Variants in TYROBP observed in about 807,000 individuals in gnomAD.
The protein encoded by TYROBP is TYRO protein tyrosine kinase-binding protein.
A neutral mutation model predicts 17.1 loss-of-function variants in TYROBP; 14 were observed. The observed-to-expected ratio is 0.82, with a 90% CI of 0.54 to 1.28. TYROBP has a LOEUF of 1.28. Ranked by LOEUF, TYROBP falls within the 50% of genes most tolerant of loss-of-function variation. TYROBP has a pLI of 0.00. For missense variants in TYROBP, 161 were observed against 151.4 expected, an observed-to-expected ratio of 1.06 and a Z score of -0.33; for synonymous variants, 73 against 67.4, an observed-to-expected ratio of 1.08 and a Z score of -0.41.
In TYROBP at chr19:35,908,211, G is replaced by C; in HGVS notation, c.18C>G (p.Pro6=). The C allele has an allele frequency of 6.2e-7, 1 of 1,614,020 alleles. No individual in the cohort carries two copies. The highest frequency in any genetic ancestry group is 8.5e-7 in the Non-Finnish European group (1 of 1,179,996). MGGLE[P]CSRLLLLPLL... is the part of the protein sequence containing the mutation. ...GAGGCAGGAGCAGGAGCCTGCTGCA[G>C]GGTTCAAGTCCCCCCATGAAGCCGG... Residue 6 remains proline, a synonymous_variant, in exon 1 of 5, where the codon CCC becomes CCG. Coordinates refer to ENST00000262629, the MANE Select transcript of TYROBP (RefSeq NM_003332.4).
intron 4 of TYROBP, 57 bp downstream of exon 4, chr19:35,907,161 T>A: frequency 6.6e-7 from 1 of 1,523,170 alleles, no homozygotes; most frequent in South Asian, 1.2e-5. Flanking sequence ...AAGGAGTATC[T>A]GGGGCAGATA....
intron 3 of TYROBP, 81 bp from the exon 4 acceptor site, chr19:35,907,345 T>G (rs1274879968): frequency 1.9e-6 from 3 of 1,604,368 alleles, no homozygotes; most frequent in Non-Finnish European, 2.6e-6. Flanking sequence ...AATCAGCACC[T>G]CCATTACCAT....
rs1237595107 is a variant in TYROBP at position 35,904,497 on chromosome 19, G to C, written c.*72C>G. On this transcript the variant is annotated 3_prime_UTR_variant, in exon 5 of 5. Transcript: ENST00000262629. ...TGGGTCTGTATCGCGGTAGGAGTTG[G>C]AATGAGGTGCAGGGTGGGCTTCAGG... is the stretch of plus-strand genomic sequence containing the variant. 6.7e-7 allele frequency: 1 copy of C among 1,498,478 alleles called. No homozygotes were observed. 92.8% of individuals were successfully genotyped at this position (1,498,478 alleles called of 1,614,324 possible).
At chr19:35,906,734 C>CTT (rs61149773) in intron 4 of TYROBP, among the ~76,000 whole-genome samples, 15,949 of 142,424 alleles carry the variant, frequency 0.11, 1,926 homozygotes, top group African/African-American at 0.31. Flanking sequence ...ACTCTTCACG[C>CTT]TTTTTTTTTT....
intron 1 of TYROBP, 60 bp downstream of exon 1, chr19:35,908,105 CCCT>C: frequency 6.8e-7 from 1 of 1,465,878 alleles, no homozygotes; most frequent in Non-Finnish European, 9.5e-7. Context: ...CCACCCCACT[CCCT>C]GCCCTGCCCC....
At position 35,907,744 on chromosome 19, in the gene TYROBP, GCCTGGA is replaced by G. The variant is rs756641773; in HGVS notation, c.74_79del (p.Val25_Gln26del). On this transcript the variant is annotated inframe_deletion, in exon 2 of 5. Transcript: ENST00000262629. ...TCTAGGCCTACCGCTCTGGGCCTGG[GCCTGGA>G]CAGGACGGAGACCTGAGGAGGAAAA... 6.8e-5 allele frequency: 109 copies of G among 1,613,978 alleles called. No individual in the cohort carries two copies. The highest frequency in any genetic ancestry group is 8.6e-5 in the Non-Finnish European group (101 of 1,180,038).
intron 3 of TYROBP, 37 bp downstream of exon 3, chr19:35,907,402 CATCTAGG>C: frequency 6.2e-7 from 1 of 1,602,222 alleles, no homozygotes; most frequent in Non-Finnish European, 8.6e-7. Flanking sequence ...CCCCCACCCC[CATCTAGG>C]CAAGTCCTCA....
At position 35,904,524 on chromosome 19, in the gene TYROBP, A is replaced by G; in HGVS notation, c.*45T>C. ...ATGAGGTGCAGGGTGGGCTTCAGGAATGGCTGGATCCAGGTATCATGTTGC... is the reference window on the plus strand; with the variant it reads ...ATGAGGTGCAGGGTGGGCTTCAGGAGTGGCTGGATCCAGGTATCATGTTGC... On this transcript the variant is annotated 3_prime_UTR_variant, in exon 5 of 5. Transcript: ENST00000262629. 1 of 1,599,460 alleles carries G rather than the reference A, an allele frequency of 6.3e-7. No individual in the cohort carries two copies.
chr19:35,905,116 A>C (rs1252457007), intron 4 of TYROBP, among the ~76,000 whole-genome samples: 1 of 152,232 alleles, frequency 6.6e-6, no homozygotes, highest in Non-Finnish European at 1.5e-5. Context: ...ACATCCACAG[A>C]GGGAATAAAT....
rs372455462 is a variant in TYROBP at position 35,907,626 on chromosome 19, G to A, written c.95-46C>T. On this transcript the variant is annotated intron_variant, in intron 2 of 4. Transcript: ENST00000262629. ...GAGGTCAGTGTGTGCTGGGAACTGTGGGGAGGGGGGTCAGCGGCAGGGAGG... is the reference window on the plus strand; with the variant it reads ...GAGGTCAGTGTGTGCTGGGAACTGTAGGGAGGGGGGTCAGCGGCAGGGAGG... The A allele has an allele frequency of 6.8e-6, 11 of 1,613,616 alleles. No individual in the cohort carries two copies. The African/African-American group carries it at 1.5e-4, about 22-fold the overall frequency.
intron 1 of TYROBP, 21 bp downstream of exon 1, chr19:35,908,147 C>T: frequency 6.2e-7 from 1 of 1,611,980 alleles, no homozygotes; most frequent in Non-Finnish European, 8.5e-7. Flanking sequence ...CGGGAGGCAG[C>T]CACGGAAGCC....
chr19:35,905,591 T>G (rs146831722), intron 4 of TYROBP, among the ~76,000 whole-genome samples: 303 of 151,052 alleles, frequency 2.0e-3, no homozygotes, highest in African/African-American at 7.2e-3. Flanking sequence ...GGTAACAGGA[T>G]CTCTTGAGCC....
intron 1 of TYROBP, 118 bp from the exon 2 acceptor site, chr19:35,907,880 G>A: frequency 8.3e-6 from 9 of 1,085,810 alleles, no homozygotes; most frequent in Non-Finnish European, 1.2e-5. Context: ...GGGGGAGAGC[G>A]TGTCTGGCGG....
At chr19:35,908,011 G>A (rs1399070840) in intron 1 of TYROBP, among the ~76,000 whole-genome samples, 157 bp downstream of exon 1, 1 of 152,114 alleles carries the variant, frequency 6.6e-6, no homozygotes, top group Non-Finnish European at 1.5e-5. Context: ...AAAACTTGGG[G>A]GCTTGGGCTC....
chr19:35,904,807 C>G (rs1158239045), intron 4 of TYROBP, among the ~76,000 whole-genome samples, 173 bp from the exon 5 acceptor site: 1 of 151,990 alleles, frequency 6.6e-6, no homozygotes, highest in African/African-American at 2.4e-5. Flanking sequence ...TCAGTGTGCC[C>G]CAGCCTCAGG....
chr19:35,907,146 G>T, intron 4 of TYROBP, 72 bp downstream of exon 4: 1 of 1,450,124 alleles, frequency 6.9e-7, no homozygotes, highest in East Asian at 2.4e-5. Flanking sequence ...CCCTCTGATG[G>T]CATGAAGGAG....
intron 1 of TYROBP, among the ~76,000 whole-genome samples, 159 bp from the exon 2 acceptor site, chr19:35,907,921 A>G (rs1975770918): frequency 6.6e-6 from 1 of 152,052 alleles, no homozygotes; most frequent in Admixed American, 6.6e-5. Flanking sequence ...GGGCCACCGG[A>G]CTATGTGCGT....
chr19:35,908,130 A>G (rs757320241), intron 1 of TYROBP, 38 bp downstream of exon 1: 1 of 1,596,814 alleles, frequency 6.3e-7, no homozygotes, highest in Non-Finnish European at 8.6e-7. Flanking sequence ...AGCTGAGCCC[A>G]GGGACCCGGG....
At chr19:35,907,791 G>A (rs1382104096) in intron 1 of TYROBP, 29 bp from the exon 2 acceptor site, 9 of 1,613,058 alleles carry the variant, frequency 5.6e-6, no homozygotes, top group East Asian at 2.2e-5. Context: ...GTAAACTGAG[G>A]CACAGAGTTA....
Sources: gnomAD v4.1 joint callset for allele counts (sites outside exome capture counted in the v4.1 genomes callset) on GRCh38, gnomAD v4.1.1 for gene constraint, MANE v1.5 for transcripts, NCBI Gene and HGNC (gene_info 2026-07-23, HGNC 2026-07-21) for gene names.